The following BRD3 variants were observed in gnomAD, a reference collection of about 807,000 sequenced individuals.
The protein encoded by BRD3 is bromodomain containing 3, also known as bromodomain-containing protein 3.
BRD3 carries 17 observed loss-of-function variants against 66.8 expected under a neutral mutation model. The ratio of observed to expected loss-of-function variants is 0.25; its 90% CI spans 0.17 to 0.38. The LOEUF (loss-of-function observed/expected upper bound fraction) is 0.38. Ranked by LOEUF, BRD3 falls within the 10% of genes least tolerant of loss-of-function variation. BRD3 has a pLI of 1.00. For synonymous variants in BRD3, 421 were observed against 393.2 expected, an observed-to-expected ratio of 1.07 and a Z score of -0.84; for missense variants, 713 against 956.1, an observed-to-expected ratio of 0.75 and a Z score of 3.35.
chr9:134,036,730 C>G (rs987895450), intron 9 of BRD3: 5 of 831,906 alleles, frequency 6.0e-6, no homozygotes, highest in Non-Finnish European at 9.8e-6. Context: ...GGTCTAGGGC[C>G]GGGCGCGGTG....
chr9:134,063,091 A>G (rs1347715752), intron 1 of BRD3, among the ~76,000 whole-genome samples: 2 of 152,210 alleles, frequency 1.3e-5, no homozygotes, highest in Non-Finnish European at 2.9e-5. Flanking sequence ...CCACTCAGCC[A>G]TGCCGAGCCA....
At chr9:134,040,964 C>A (rs1236096756) in intron 8 of BRD3, among the ~76,000 whole-genome samples, 1 of 152,158 alleles carries the variant, frequency 6.6e-6, no homozygotes, top group Non-Finnish European at 1.5e-5. Flanking sequence ...ACGGCCTGTC[C>A]CTGCCTCTGG....
chr9:134,052,292 C>T lies in BRD3; in HGVS notation c.351+14G>A, dbSNP rs763139699. The T allele has an allele frequency of 1.2e-6, 2 of 1,611,206 alleles. No homozygotes were observed. The highest frequency in any genetic ancestry group is 2.2e-5 in the South Asian group (2 of 90,944). On this transcript the variant is annotated intron_variant, in intron 3 of 11. Coordinates refer to ENST00000303407, the MANE Select transcript of BRD3 (RefSeq NM_007371.4). ...CCTTACTGCAAGCGGCGTGCCAGGC[C>T]CGCATCTTCTTACCTTGTTATAAAT...
intron 4 of BRD3, 74 bp downstream of exon 4, chr9:134,051,488 A>AC (rs11453781): frequency 0.018 from 25,961 of 1,403,646 alleles, 1,248 homozygotes; most frequent in African/African-American, 0.18. Context: ...TGGCTAAAGG[A>AC]TCGCGTCCCA....
intron 9 of BRD3, among the ~76,000 whole-genome samples, chr9:134,038,455 C>T (rs942566428): frequency 6.6e-6 from 1 of 152,064 alleles, no homozygotes; most frequent in Non-Finnish European, 1.5e-5. Flanking sequence ...ATATCCCAAC[C>T]AACACTTTTT....
intron 7 of BRD3, among the ~76,000 whole-genome samples, chr9:134,042,768 C>T (rs1394425570): frequency 7.3e-6 from 1 of 137,630 alleles, no homozygotes; most frequent in African/African-American, 2.7e-5. Context: ...CATATATACA[C>T]ACACACATAT....
At chr9:134,038,761 G>T (rs945816551) in intron 9 of BRD3, among the ~76,000 whole-genome samples, 2 of 152,166 alleles carry the variant, frequency 1.3e-5, no homozygotes, top group East Asian at 1.9e-4. Flanking sequence ...TTTCAGATTT[G>T]AGATGCTTCA....
Position 134,051,712 on chromosome 9 carries a change from G to A in BRD3, c.352-3C>T, listed in dbSNP as rs781039061. 3.8e-6 allele frequency: 6 copies of A among 1,591,932 alleles called. No individual in the cohort carries two copies. Among genetic ancestry groups the A allele is most frequent in the Middle Eastern group, 3.3e-4 (2 of 6,004 alleles). On this transcript the variant is annotated splice_region_variant and splice_polypyrimidine_tract_variant and intron_variant, in intron 3 of 11. Coordinates refer to ENST00000303407, the MANE Select transcript of BRD3 (RefSeq NM_007371.4). ...ATTAGCACTATGTCATCTGTGGGCT[G>A]AAGACACAGAGAGTCCAGGTCACGT...
At chr9:134,041,399 G>C (rs561415952) in intron 8 of BRD3, among the ~76,000 whole-genome samples, 4 of 152,142 alleles carry the variant, frequency 2.6e-5, no homozygotes, top group South Asian at 4.1e-4. Flanking sequence ...CCACCCCACT[G>C]CAAGTGACTG....
intron 1 of BRD3, chr9:134,058,105 G>C (rs1830462635): frequency 6.6e-6 from 1 of 152,308 alleles, no homozygotes. Context: ...TTTGTGCTGA[G>C]AGCTTAGCAA....
intron 6 of BRD3, among the ~76,000 whole-genome samples, chr9:134,047,043 C>G (rs1262983328): frequency 1.3e-5 from 2 of 152,258 alleles, no homozygotes; most frequent in African/African-American, 4.8e-5. Flanking sequence ...CTGCGTGGCT[C>G]TGGCCCTCAG....
rs774947225 is a variant in BRD3, at chr9:134,051,545, G to A, written c.499+17C>T. 5 of 1,521,596 alleles carry A rather than the reference G, an allele frequency of 3.3e-6. No homozygotes were observed. In the South Asian group the frequency reaches 6.5e-5, roughly 20 times the overall value. The allele number at this position is 1,521,596 out of a possible 1,614,324, so 94.3% of individuals were successfully genotyped here. ...TGCAGAGAGGCCCAGCCCCTCGCCT[G>A]CCCCAGCTCCCTTTACCTGCGCTCT... On this transcript the variant is annotated intron_variant, in intron 4 of 11. Transcript: ENST00000303407.
chr9:134,033,556 G>A lies in BRD3; in HGVS notation c.*34C>T, dbSNP rs778044579. 11 of 720,832 alleles carry A rather than the reference G, an allele frequency of 1.5e-5. No homozygotes were observed. The highest frequency in any genetic ancestry group is 1.2e-4 in the African/African-American group (7 of 57,916). 44.7% of individuals were successfully genotyped at this position (720,832 alleles called of 1,614,324 possible). A position where few individuals can be genotyped will look rare whatever the true frequency, so the allele number is the denominator to read the frequency against. On this transcript the variant is annotated 3_prime_UTR_variant, in exon 12 of 12. Coordinates refer to ENST00000303407, the MANE Select transcript of BRD3 (RefSeq NM_007371.4). The surrounding 1 kb of genome is among the most constrained non-coding windows in gnomAD (Gnocchi z 5.1). The stretch of plus-strand genomic sequence containing the variant: ...GGTACGGCAGAGTCTCGGCGTGTGC[G>A]ACATCCATCTGTCCTGTTCTGTCCG...
intron 5 of BRD3, among the ~76,000 whole-genome samples, chr9:134,048,798 G>T (rs965311612): frequency 6.6e-6 from 1 of 152,164 alleles, no homozygotes; most frequent in Non-Finnish European, 1.5e-5. Context: ...CATGCAATTC[G>T]CCAGACACCT....
At chr9:134,064,336 C>A (rs959639215) in intron 1 of BRD3, among the ~76,000 whole-genome samples, 1 of 151,048 alleles carries the variant, frequency 6.6e-6, no homozygotes, top group Admixed American at 6.6e-5. Flanking sequence ...AAGACCAGCC[C>A]GGCCAACATG....
chr9:134,042,509 T>G (rs1017710717), intron 7 of BRD3, among the ~76,000 whole-genome samples: 3 of 152,076 alleles, frequency 2.0e-5, no homozygotes, highest in African/African-American at 7.2e-5. Context: ...TGGCAGCACA[T>G]GTCTGTGATC....
At chr9:134,065,055 C>T (rs115020599) in intron 1 of BRD3, among the ~76,000 whole-genome samples, 6 of 152,362 alleles carry the variant, frequency 3.9e-5, no homozygotes, top group African/African-American at 1.4e-4. Context: ...AAACCTTTTA[C>T]GGCAAGAAGC....
intron 5 of BRD3, 130 bp downstream of exon 5, chr9:134,050,244 G>T: frequency 1.2e-6 from 1 of 801,040 alleles, no homozygotes; most frequent in Non-Finnish European, 2.0e-6. Flanking sequence ...CTCCCAGGGC[G>T]CAGAGAGAAA....
At chr9:134,037,239 C>T (rs1829942483) in intron 9 of BRD3, among the ~76,000 whole-genome samples, 1 of 152,094 alleles carries the variant, frequency 6.6e-6, no homozygotes, top group South Asian at 2.1e-4. Context: ...TAATTTCAGA[C>T]AAAGTAAACT....
Sources: gnomAD v4.1 joint callset for allele counts (sites outside exome capture counted in the v4.1 genomes callset) on GRCh38, gnomAD v4.1.1 for gene constraint, Gnocchi (gnomAD v3.1) non-coding constraint, MANE v1.5 for transcripts, NCBI Gene and HGNC (gene_info 2026-07-23, HGNC 2026-07-21) for gene names.